FBXL13: variants seen among roughly 807,000 people sequenced by gnomAD.
FBXL13 encodes F-box and leucine-rich repeat protein 13.
FBXL13 carries 67 observed loss-of-function variants against 83.6 expected under a neutral mutation model. That is an observed-to-expected ratio of 0.80 (90% CI 0.66 to 0.98). FBXL13 has a LOEUF of 0.98. Ranked by LOEUF, FBXL13 falls within the 50% of genes least tolerant of loss-of-function variation. The probability of loss-of-function intolerance (pLI) is 0.00; values close to 1 mark genes in which losing one functional copy is unlikely to be tolerated. For missense variants in FBXL13, 822 were observed against 866.5 expected, an observed-to-expected ratio of 0.95 and a Z score of 0.64; for synonymous variants, 272 against 299.5, an observed-to-expected ratio of 0.91 and a Z score of 0.95.
At chr7:103,047,699 T>G (rs186789806) in intron 2 of FBXL13, among the ~76,000 whole-genome samples, 30 of 152,332 alleles carry the variant, frequency 2.0e-4, no homozygotes, top group Non-Finnish European at 2.5e-4. Context: ...ATACATTTTT[T>G]TTTGTTTGTT....
chr7:102,943,078 C>T (rs1315523921), intron 8 of FBXL13, among the ~76,000 whole-genome samples: 1 of 152,110 alleles, frequency 6.6e-6, no homozygotes, highest in East Asian at 1.9e-4. Flanking sequence ...AAGCTGATAG[C>T]TACCATAGTT....
At chr7:103,065,055 C>T (rs1296745263) in intron 1 of FBXL13, among the ~76,000 whole-genome samples, 1 of 152,168 alleles carries the variant, frequency 6.6e-6, no homozygotes, top group African/African-American at 2.4e-5. Context: ...CCACCAAGTG[C>T]TTTAACTGGT....
intron 2 of FBXL13, among the ~76,000 whole-genome samples, chr7:103,048,881 T>A (rs1796539691): frequency 6.6e-6 from 1 of 152,178 alleles, no homozygotes; most frequent in Non-Finnish European, 1.5e-5. Context: ...TGCATTCTTA[T>A]AATCTCTTAC....
chr7:102,837,830 A>G (rs55808179), intron 17 of FBXL13, among the ~76,000 whole-genome samples: 2,570 of 152,386 alleles, frequency 0.017, 67 homozygotes, highest in African/African-American at 0.059. Context: ...GGCATGAGCC[A>G]CTACGCCCAG....
chr7:102,834,885 T>C (rs1801600481), intron 17 of FBXL13, among the ~76,000 whole-genome samples: 1 of 109,420 alleles, frequency 9.1e-6, no homozygotes, highest in African/African-American at 4.3e-5. Flanking sequence ...ACAATGTGTG[T>C]GTGTGTGTGT....
intron 6 of FBXL13, among the ~76,000 whole-genome samples, chr7:103,011,392 T>C (rs1199449557): frequency 1.3e-5 from 2 of 152,038 alleles, no homozygotes; most frequent in South Asian, 2.1e-4. Flanking sequence ...CCCAGCACTT[T>C]AGGAGGCCGA....
At chr7:102,888,609 T>C (rs978371229) in intron 11 of FBXL13, among the ~76,000 whole-genome samples, 1 of 152,202 alleles carries the variant, frequency 6.6e-6, no homozygotes, top group African/African-American at 2.4e-5. Flanking sequence ...AGTGCTGGTC[T>C]TGGCTGAAGT....
intron 6 of FBXL13, 55 bp from the exon 8 acceptor site, chr7:102,968,172 G>C: frequency 8.2e-7 from 1 of 1,213,730 alleles, no homozygotes; most frequent in Non-Finnish European, 1.2e-6. Flanking sequence ...GATGTAACTT[G>C]TCCACTTACC....
exon 8 of FBXL13, chr7:102,963,599 G>T: frequency 6.2e-7 from 1 of 1,612,642 alleles, no homozygotes; most frequent in South Asian, 1.1e-5. Context: ...ACATTTAAAC[G>T]CCACCTTTGC....
chr7:102,867,902 C>T (rs959104246), intron 16 of FBXL13, among the ~76,000 whole-genome samples: 2 of 151,308 alleles, frequency 1.3e-5, no homozygotes, highest in East Asian at 1.9e-4. Flanking sequence ...CGGGGTTTCA[C>T]CGTGTTAGCC....
At chr7:102,860,803 T>G (rs1468719930) in intron 16 of FBXL13, among the ~76,000 whole-genome samples, 3 of 152,156 alleles carry the variant, frequency 2.0e-5, no homozygotes, top group Non-Finnish European at 4.4e-5. Flanking sequence ...AATATTCAAA[T>G]GTACGGAAAG....
At chr7:102,811,646 T>G (rs961506438), downstream of FBXL13, among the ~76,000 whole-genome samples, 5 of 152,226 alleles carry the variant, frequency 3.3e-5, no homozygotes, top group African/African-American at 1.2e-4. Context: ...TGTCATTCCT[T>G]TAGAAAGCAA....
chr7:102,876,885 G>C (rs1809349587), intron 16 of FBXL13, among the ~76,000 whole-genome samples: 2 of 152,062 alleles, frequency 1.3e-5, no homozygotes, highest in Non-Finnish European at 2.9e-5. Flanking sequence ...TATAACTATA[G>C]CCCATAGTTC....
chr7:102,870,625 G>A (rs1440413528), intron 16 of FBXL13, among the ~76,000 whole-genome samples: 2 of 152,202 alleles, frequency 1.3e-5, no homozygotes, highest in Non-Finnish European at 2.9e-5. Context: ...GAGGTAGGAA[G>A]GGATTTGGCT....
intron 6 of FBXL13, chr7:102,988,924 G>A (rs1829281364): frequency 6.6e-6 from 1 of 152,236 alleles, no homozygotes; most frequent in Non-Finnish European, 1.5e-5. Context: ...AGGGAGCTCA[G>A]TATAAGGGTA....
Position 103,003,278 on chromosome 7 carries a change from G to GTTTTTTT in FBXL13, c.495+21778_495+21784dup, listed in dbSNP as rs563726626. 1.1e-4 allele frequency among the ~76,000 whole-genome samples: 8 copies of GTTTTTTT among 75,926 alleles called. 2 individuals are homozygous for GTTTTTTT. Among genetic ancestry groups the GTTTTTTT allele is most frequent in the Non-Finnish European group, 1.9e-4 (8 of 42,198 alleles). 49.8% of individuals were successfully genotyped at this position (75,926 alleles called of 152,430 possible). The stretch of plus-strand genomic sequence containing the variant: ...TTGTTGTTGTTGTTGTTGTTTTGGG[G>GTTTTTTT]TTTTTTTTTTTTTTTTTTTTTTTTT... On this transcript the variant is annotated intron_variant, in intron 6 of 19. Coordinates refer to ENST00000313221, the Ensembl canonical transcript of FBXL13.
At chr7:102,968,143 T>A in intron 6 of FBXL13, 26 bp from the exon 8 acceptor site, 1 of 1,524,990 alleles carries the variant, frequency 6.6e-7, no homozygotes, top group Non-Finnish European at 9.1e-7. Context: ...AATACACAAC[T>A]TTGAAAAATG....
intron 16 of FBXL13, among the ~76,000 whole-genome samples, chr7:102,861,813 C>T (rs1806877380): frequency 6.6e-6 from 1 of 151,656 alleles, no homozygotes; most frequent in Admixed American, 6.6e-5. Context: ...AAAACCCCAT[C>T]TCTACTAAAA....
chr7:102,898,749 T>G lies in FBXL13; in HGVS notation c.1008+14337A>C, dbSNP rs138025084. Among the ~76,000 whole-genome samples, 568 of 152,328 alleles carry G rather than the reference T, an allele frequency of 3.7e-3. 5 individuals carry two copies. The highest frequency in any genetic ancestry group is 0.013 in the African/African-American group (561 of 41,576). On this transcript the variant is annotated intron_variant, in intron 11 of 19. Coordinates refer to ENST00000313221, the Ensembl canonical transcript of FBXL13. ...ATTGCTCTGCGGTCAATCACAAGCA[T>G]GTTGAAAGCAACAAATTCAGATACA...
Sources: allele counts gnomAD v4.1 joint callset (sites outside exome capture counted in the v4.1 genomes callset), GRCh38; gene constraint gnomAD v4.1.1; transcripts MANE v1.5; gene names NCBI Gene and HGNC (gene_info 2026-07-23, HGNC 2026-07-21).